CRACDL: variants seen among roughly 807,000 people sequenced by gnomAD.
The protein encoded by CRACDL is CRACD-like protein.
Under a neutral mutation model 70.6 loss-of-function variants are expected in CRACDL, and 26 were observed. The ratio of observed to expected loss-of-function variants is 0.37; its 90% confidence interval spans 0.27 to 0.51. CRACDL has a LOEUF of 0.51. CRACDL is among the 20% of genes least tolerant of loss of function. The probability of loss-of-function intolerance (pLI) is 0.94; values close to 1 mark genes in which losing one functional copy is unlikely to be tolerated. For synonymous variants in CRACDL, 618 were observed against 615.2 expected (o/e 1.00, Z -0.07); for missense variants, 1,283 against 1,376.9 (o/e 0.93, Z 1.08).
At chr2:98,796,596 T>C (rs768548967) in intron 8 of CRACDL, among the ~76,000 whole-genome samples, 22 of 152,224 alleles carry the variant, frequency 1.4e-4, no homozygotes, top group South Asian at 6.2e-4. Context: ...GGAATAGTTA[T>C]AGATGTCCCA....
intron 1 of CRACDL, among the ~76,000 whole-genome samples, chr2:98,893,198 T>A (rs1417864702): frequency 1.6e-5 from 2 of 125,722 alleles, no homozygotes; most frequent in Non-Finnish European, 3.3e-5. Flanking sequence ...TGTAGCAGGC[T>A]GGAGGTCACT....
At chr2:98,899,404 C>T (rs1313696639) in intron 1 of CRACDL, among the ~76,000 whole-genome samples, 1 of 152,238 alleles carries the variant, frequency 6.6e-6, no homozygotes, top group Non-Finnish European at 1.5e-5. Flanking sequence ...GAAGGAGTCT[C>T]CACCAGAAAG....
In CRACDL at chr2:98,827,106, T is replaced by C. The variant is rs750665475; in HGVS notation, c.604A>G (p.Ser202Gly). The C allele has an allele frequency of 6.2e-7, 1 of 1,614,092 alleles. No homozygotes were observed. Among genetic ancestry groups the C allele is most frequent in the Non-Finnish European group, 8.5e-7 (1 of 1,179,994 alleles). ...STVSARISDN[S>G]LAPVADFSYP... ...CTGAAGTCAGCCACTGGTGCCAGGC[T>C]GTTGTCTGAGATCCGGGCAGAGACG... The change falls in exon 6 of 10, where the codon AGC (serine) becomes GGC (glycine). Residue 202 changes from serine to glycine, a missense_variant. By Grantham distance (56) the Ser-to-Gly change is moderately conservative. This residue lies in a region of CRACDL where 362 missense variants were observed against 495.0 expected (regional missense o/e 0.73). Transcript: ENST00000397899.
intron 1 of CRACDL, among the ~76,000 whole-genome samples, chr2:98,893,850 G>C (rs1310895858): frequency 2.0e-5 from 3 of 152,214 alleles, no homozygotes; most frequent in South Asian, 4.1e-4. Flanking sequence ...CAGGGCATAA[G>C]AATCAGCAAA....
intron 1 of CRACDL, among the ~76,000 whole-genome samples, chr2:98,848,799 G>T (rs956306276): frequency 6.6e-6 from 1 of 152,194 alleles, no homozygotes; most frequent in Non-Finnish European, 1.5e-5. Flanking sequence ...TGTTGGCCAG[G>T]CTGGTCTTGA....
At chr2:98,839,850 G>A (rs991289448) in intron 2 of CRACDL, among the ~76,000 whole-genome samples, 14 of 152,098 alleles carry the variant, frequency 9.2e-5, no homozygotes, top group Admixed American at 8.5e-4. Flanking sequence ...AACATCTATA[G>A]TGATTGATGC....
chr2:98,848,407 C>T (rs1012315739), intron 1 of CRACDL, among the ~76,000 whole-genome samples: 2 of 152,080 alleles, frequency 1.3e-5, no homozygotes, highest in African/African-American at 2.4e-5. Flanking sequence ...AGAAGGAAAA[C>T]ATACGGTGTA....
chr2:98,914,681 C>T (rs1708627017), intron 1 of CRACDL, among the ~76,000 whole-genome samples: 1 of 152,206 alleles, frequency 6.6e-6, no homozygotes, highest in Non-Finnish European at 1.5e-5. Context: ...TGGAGCTTCA[C>T]GCTGGCCCCA....
chr2:98,832,754 G>A (rs1477116193), intron 4 of CRACDL, 108 bp downstream of exon 4: 2 of 1,397,392 alleles, frequency 1.4e-6, no homozygotes, highest in African/African-American at 1.4e-5. Flanking sequence ...TCATGTACAT[G>A]TGATTCTACT....
intron 1 of CRACDL, among the ~76,000 whole-genome samples, chr2:98,890,570 A>G (rs1707936271): frequency 6.6e-6 from 1 of 152,396 alleles, no homozygotes; most frequent in East Asian, 1.9e-4. Flanking sequence ...CTAAATGTTT[A>G]AAGAATAGTA....
chr2:98,843,874 G>C (rs1706136783), intron 2 of CRACDL, among the ~76,000 whole-genome samples: 1 of 152,004 alleles, frequency 6.6e-6, no homozygotes, highest in Non-Finnish European at 1.5e-5. Flanking sequence ...TTTCAAGTCA[G>C]CTTGCCAATA....
chr2:98,856,457 A>G (rs1706700345), intron 1 of CRACDL, among the ~76,000 whole-genome samples: 1 of 151,830 alleles, frequency 6.6e-6, no homozygotes, highest in Non-Finnish European at 1.5e-5. Flanking sequence ...TACAATAAAT[A>G]TTAAAGGAAG....
At chr2:98,811,516 C>CAAAAAAA (rs1199306759) in intron 7 of CRACDL, among the ~76,000 whole-genome samples, 2 of 49,628 alleles carry the variant, frequency 4.0e-5, no homozygotes, top group Admixed American at 2.2e-4. Flanking sequence ...GACTCTGTCT[C>CAAAAAAA]AAAAAAAAAA....
chr2:98,818,710 TAATC>T (rs747067281), intron 7 of CRACDL, among the ~76,000 whole-genome samples: 1 of 152,226 alleles, frequency 6.6e-6, no homozygotes, highest in African/African-American at 2.4e-5. Context: ...GAAGTGATAA[TAATC>T]AATGAAAGCA....
intron 1 of CRACDL, among the ~76,000 whole-genome samples, chr2:98,889,652 C>T (rs763537293): frequency 1.8e-4 from 27 of 152,148 alleles, no homozygotes; most frequent in Admixed American, 6.5e-4. Context: ...AAGCATGCTA[C>T]GCCAACTAGA....
intron 5 of CRACDL, among the ~76,000 whole-genome samples, chr2:98,827,514 A>G (rs1705359317): frequency 6.6e-6 from 1 of 151,766 alleles, no homozygotes; most frequent in South Asian, 2.1e-4. Flanking sequence ...CTGGTCTTAA[A>G]CTCCTGACCT....
Position 98,823,023 on chromosome 2 carries a change from T to A in CRACDL, c.1250A>T (p.Asp417Val). The part of the protein sequence containing the change: ...PEGDTTPPET[D>V]PAATSEAPSA... ...GGGCGCCTCTGAGGTGGCGGCGGGG[T>A]CAGTCTCGGGGGGAGTCGTGTCCCC... The change falls in exon 7 of 10, where the codon GAC (aspartate) becomes GTC (valine). Residue 417 changes from aspartate (D) to valine (V), a missense_variant. Physicochemically the swap from Asp to Val is radical, Grantham distance 152 (BLOSUM62 -3). Coordinates refer to ENST00000397899, the MANE Select transcript of CRACDL (RefSeq NM_207362.3). The surrounding 1 kb of genome is among the most constrained non-coding windows in gnomAD (Gnocchi z 4.0). 6.6e-7 allele frequency: 1 copy of A among 1,510,710 alleles called. No individual in the cohort carries two copies. The highest frequency in any genetic ancestry group is 2.7e-5 in the East Asian group (1 of 36,938). The allele number at this position is 1,510,710 out of a possible 1,614,324, so 93.6% of individuals were successfully genotyped here.
intron 1 of CRACDL, chr2:98,869,264 C>G (rs957186835): frequency 4.7e-5 from 58 of 1,246,544 alleles, no homozygotes; most frequent in Non-Finnish European, 6.1e-5. Flanking sequence ...CCATCTCTCA[C>G]AGAAGTACCC....
intron 1 of CRACDL, among the ~76,000 whole-genome samples, chr2:98,851,492 G>A (rs1275542185): frequency 6.6e-6 from 1 of 152,112 alleles, no homozygotes; most frequent in Non-Finnish European, 1.5e-5. Flanking sequence ...TGAGGTCAGC[G>A]TTAGGGAAGA....
Sources: allele counts gnomAD v4.1 joint callset (sites outside exome capture counted in the v4.1 genomes callset), GRCh38; gene constraint gnomAD v4.1.1; regional missense constraint gnomAD v4.1.1; non-coding constraint Gnocchi (gnomAD v3.1); transcripts MANE v1.5; gene names NCBI Gene and HGNC (gene_info 2026-07-23, HGNC 2026-07-21).